The following ERG variants were observed in gnomAD, a reference collection of about 807,000 sequenced individuals.
ERG encodes transcriptional regulator ERG.
Under a neutral mutation model 55.3 loss-of-function variants are expected in ERG, and 9 were observed. The observed-to-expected ratio is 0.16, with a 90% CI of 0.10 to 0.28. The LOEUF (loss-of-function observed/expected upper bound fraction) is 0.28, where lower values mean the gene tolerates loss of function less well. Among genes scored for constraint, ERG ranks in the 10% least tolerant of loss-of-function variants. The pLI, the probability that ERG is intolerant of heterozygous loss-of-function variation, is 1.00. For synonymous variants in ERG, 223 were observed against 237.3 expected (o/e 0.94, Z 0.55); for missense variants, 434 against 631.6 (o/e 0.69, Z 3.35).
At chr21:38,418,721 G>T (rs190224435) in intron 3 of ERG, among the ~76,000 whole-genome samples, 9 of 152,078 alleles carry the variant, frequency 5.9e-5, no homozygotes, top group African/African-American at 1.7e-4. Context: ...GAGGTCAGGA[G>T]TTTGAGACCA....
intron 1 of ERG, among the ~76,000 whole-genome samples, chr21:38,459,798 T>G (rs908129123): frequency 2.6e-5 from 4 of 152,224 alleles, no homozygotes; most frequent in African/African-American, 9.7e-5. Flanking sequence ...TCTAGCTGCT[T>G]CTAGATTACA....
At chr21:38,619,591 G>A (rs1237978583) in intron 1 of ERG, among the ~76,000 whole-genome samples, 1 of 152,184 alleles carries the variant, frequency 6.6e-6, no homozygotes, top group Non-Finnish European at 1.5e-5. Flanking sequence ...TAGCTCAGGA[G>A]GCCCTACACA....
At chr21:38,515,227 T>C (rs1320450471) in intron 2 of ERG, among the ~76,000 whole-genome samples, 1 of 151,950 alleles carries the variant, frequency 6.6e-6, no homozygotes, top group East Asian at 1.9e-4. Context: ...TTCTAAAATA[T>C]GTATGGAAAT....
intron 3 of ERG, among the ~76,000 whole-genome samples, chr21:38,415,344 T>C (rs1433825998): frequency 1.3e-5 from 2 of 152,246 alleles, no homozygotes; most frequent in Admixed American, 6.5e-5. Flanking sequence ...CTGACAACAG[T>C]GCATATCAAT....
chr21:38,565,413 T>G (rs773090878), intron 2 of ERG, among the ~76,000 whole-genome samples: 1 of 152,212 alleles, frequency 6.6e-6, no homozygotes, highest in Non-Finnish European at 1.5e-5. Context: ...TCCCGCAGTG[T>G]GCCAAATAAA....
At chr21:38,470,050 G>T (rs7277642) in intron 1 of ERG, among the ~76,000 whole-genome samples, 1 of 152,204 alleles carries the variant, frequency 6.6e-6, no homozygotes, top group Non-Finnish European at 1.5e-5. Context: ...GGGCAGGGAT[G>T]TATCTGATTC....
intron 1 of ERG, among the ~76,000 whole-genome samples, chr21:38,646,762 GA>G (rs2060459370): frequency 6.6e-6 from 1 of 152,034 alleles, no homozygotes; most frequent in Admixed American, 6.5e-5. Context: ...TCTTCTGATT[GA>G]GTTTTGGGGT....
chr21:38,610,823 A>C (rs2060222431), intron 1 of ERG, among the ~76,000 whole-genome samples: 1 of 152,236 alleles, frequency 6.6e-6, no homozygotes, highest in Non-Finnish European at 1.5e-5. Context: ...GAGGTCCTAC[A>C]CACAATGCAA....
At chr21:38,538,515 C>T (rs1255690277) in intron 2 of ERG, among the ~76,000 whole-genome samples, 1 of 152,028 alleles carries the variant, frequency 6.6e-6, no homozygotes, top group Non-Finnish European at 1.5e-5. Flanking sequence ...CCACTCCCTG[C>T]TTTATGACTG....
intron 1 of ERG, among the ~76,000 whole-genome samples, chr21:38,453,880 A>G (rs1288675829): frequency 6.6e-5 from 6 of 90,662 alleles, no homozygotes; most frequent in African/African-American, 9.6e-5. Context: ...GAAAAACTCC[A>G]TCAAAAAAAA....
intron 1 of ERG, among the ~76,000 whole-genome samples, chr21:38,656,020 G>A (rs886649358): frequency 9.2e-5 from 14 of 152,006 alleles, no homozygotes; most frequent in East Asian, 5.8e-4. Flanking sequence ...ACTCTTCACC[G>A]CGCCCCCCGC....
At chr21:38,395,134 C>T (rs73437689) in intron 6 of ERG, among the ~76,000 whole-genome samples, 93 of 152,272 alleles carry the variant, frequency 6.1e-4, no homozygotes, top group South Asian at 1.7e-3. Context: ...CATATTGCCG[C>T]GGAAGATAAG....
intron 2 of ERG, among the ~76,000 whole-genome samples, chr21:38,534,234 A>T (rs1225284572): frequency 1.3e-5 from 2 of 152,176 alleles, no homozygotes; most frequent in Non-Finnish European, 1.5e-5. Flanking sequence ...CCTCTGCATG[A>T]ACCAGTAAGT....
At chr21:38,584,038 C>T (rs1568930726) in intron 1 of ERG, among the ~76,000 whole-genome samples, 1 of 152,324 alleles carries the variant, frequency 6.6e-6, no homozygotes, top group East Asian at 1.9e-4. Flanking sequence ...CAGGGCATGG[C>T]CTCAAGAGCC....
At chr21:38,587,463 A>G (rs1368333111), upstream of ERG, among the ~76,000 whole-genome samples, 1 of 150,692 alleles carries the variant, frequency 6.6e-6, no homozygotes, top group African/African-American at 2.4e-5. Context: ...GGTTCACACC[A>G]TTCTCCTGCC....
At chr21:38,652,301 T>A (rs2060492977) in intron 1 of ERG, among the ~76,000 whole-genome samples, 1 of 152,138 alleles carries the variant, frequency 6.6e-6, no homozygotes, top group Non-Finnish European at 1.5e-5. Flanking sequence ...GGCCTCAGCC[T>A]CCGGGTAGCA....
At chr21:38,445,346 T>A in intron 2 of ERG, 58 bp downstream of exon 2, 1 of 1,427,934 alleles carries the variant, frequency 7.0e-7, no homozygotes, top group Non-Finnish European at 9.8e-7. Context: ...CCACTTTGCC[T>A]TTGCAAAGGA....
At chr21:38,458,717 C>T (rs868382259) in intron 1 of ERG, among the ~76,000 whole-genome samples, 23 of 152,034 alleles carry the variant, frequency 1.5e-4, no homozygotes, top group Admixed American at 1.0e-3. Flanking sequence ...TCTGGGTGTC[C>T]GAAGGTGGGG....
intron 2 of ERG, among the ~76,000 whole-genome samples, chr21:38,525,651 C>T (rs999721622): frequency 8.5e-5 from 13 of 152,330 alleles, no homozygotes; most frequent in South Asian, 6.2e-4. Context: ...AATGCTGTTA[C>T]GTGACTTCAA....
Sources: gnomAD v4.1 joint callset for allele counts (sites outside exome capture counted in the v4.1 genomes callset) on GRCh38, gnomAD v4.1.1 for gene constraint, MANE v1.5 for transcripts, NCBI Gene and HGNC (gene_info 2026-07-23, HGNC 2026-07-21) for gene names.